Variants in ACYP2 observed in about 807,000 individuals in gnomAD.
ACYP2 encodes acylphosphatase-2.
A neutral mutation model predicts 11.2 loss-of-function variants in ACYP2; 12 were observed. That is an observed-to-expected ratio of 1.08 (90% CI 0.69 to 1.74). The LOEUF is 1.74. Ranked by LOEUF, ACYP2 falls within the 40% of genes most tolerant of loss-of-function variation. The probability of loss-of-function intolerance (pLI) is 0.00; values close to 1 mark genes in which losing one functional copy is unlikely to be tolerated. For synonymous variants in ACYP2, 43 were observed against 32.2 expected (o/e 1.33, Z -1.13); for missense variants, 134 against 101.9 (o/e 1.31, Z -1.35).
intron 6 of ACYP2, among the ~76,000 whole-genome samples, chr2:54,240,396 GA>G (rs1686682046): frequency 1.3e-5 from 2 of 152,098 alleles, no homozygotes; most frequent in Non-Finnish European, 2.9e-5. Flanking sequence ...AAACAAAAAA[GA>G]AAATTCACTT....
intron 6 of ACYP2, among the ~76,000 whole-genome samples, chr2:54,214,410 T>C (rs764094675): frequency 7.9e-5 from 12 of 152,230 alleles, no homozygotes; most frequent in Non-Finnish European, 1.3e-4. Context: ...CTTGTGTTGC[T>C]TTTTTATATG....
chr2:54,200,280 T>C (rs549030855), intron 6 of ACYP2, among the ~76,000 whole-genome samples: 6 of 152,308 alleles, frequency 3.9e-5, no homozygotes, highest in African/African-American at 1.4e-4. Flanking sequence ...TGTGTACATA[T>C]ATACATGTGC....
intron 6 of ACYP2, among the ~76,000 whole-genome samples, chr2:54,167,248 C>T (rs1683023466): frequency 6.6e-6 from 1 of 152,154 alleles, no homozygotes; most frequent in Non-Finnish European, 1.5e-5. Flanking sequence ...ATTGTTTCTC[C>T]TAGCTCATCA....
intron 6 of ACYP2, among the ~76,000 whole-genome samples, chr2:54,242,235 C>T (rs1686758396): frequency 1.3e-5 from 2 of 152,194 alleles, no homozygotes; most frequent in Non-Finnish European, 2.9e-5. Flanking sequence ...GCAGCAGTTG[C>T]AGTTTTGTCA....
At chr2:54,256,163 C>T (rs1213946557) in intron 6 of ACYP2, 13 of 1,604,512 alleles carry the variant, frequency 8.1e-6, no homozygotes, top group Non-Finnish European at 1.1e-5. Flanking sequence ...TTGGTAGCGG[C>T]CAGGGCAGCA....
chr2:54,017,513 C>A (rs1383746230), intron 2 of ACYP2, among the ~76,000 whole-genome samples: 1 of 152,084 alleles, frequency 6.6e-6, no homozygotes, highest in Admixed American at 6.6e-5. Flanking sequence ...CCTCAGCCTC[C>A]CAAAGTGCTG....
At chr2:54,284,946 A>G (rs1260837887) in intron 6 of ACYP2, among the ~76,000 whole-genome samples, 1 of 152,170 alleles carries the variant, frequency 6.6e-6, no homozygotes, top group Non-Finnish European at 1.5e-5. Context: ...TCGTTTCTTC[A>G]GGCTGCTGTA....
At chr2:54,078,933 C>A (rs950028394) in intron 4 of ACYP2, among the ~76,000 whole-genome samples, 1 of 152,156 alleles carries the variant, frequency 6.6e-6, no homozygotes, top group Non-Finnish European at 1.5e-5. Context: ...TCAAAAATTT[C>A]ATTTTGCATC....
chr2:54,028,367 G>C (rs2104551992), intron 2 of ACYP2, among the ~76,000 whole-genome samples: 1 of 152,226 alleles, frequency 6.6e-6, no homozygotes, highest in Middle Eastern at 3.4e-3. Context: ...ATGGCATTCT[G>C]ACATGCTGAA....
intron 2 of ACYP2, among the ~76,000 whole-genome samples, chr2:54,019,681 G>A (rs1215615167): frequency 2.6e-5 from 4 of 151,640 alleles, no homozygotes; most frequent in Non-Finnish European, 5.9e-5. Flanking sequence ...GTGCAGTGGC[G>A]TGATCTCAGC....
intron 6 of ACYP2, among the ~76,000 whole-genome samples, chr2:54,292,707 C>T (rs1689362110): frequency 1.5e-5 from 2 of 132,178 alleles, no homozygotes. Flanking sequence ...CACACACACA[C>T]ACGTGTATGT....
rs148763362 is a variant in ACYP2, at chr2:54,058,456, C to G, written c.277+1096C>G. 3.4e-3 allele frequency among the ~76,000 whole-genome samples: 523 copies of G among 152,128 alleles called. 2 individuals carry two copies. Among genetic ancestry groups the G allele is most frequent in the African/African-American group, 0.012 (497 of 41,512 alleles). ...AAATTTTAGATATTATCTATTAACCCCTGACACACACATATTTCCCTCTCC... is the reference window on the plus strand; with the variant it reads ...AAATTTTAGATATTATCTATTAACCGCTGACACACACATATTTCCCTCTCC... On this transcript the variant is annotated intron_variant, in intron 4 of 6. Transcript: ENST00000607452.
intron 6 of ACYP2, among the ~76,000 whole-genome samples, chr2:54,196,760 C>A (rs983178383): frequency 3.3e-5 from 5 of 152,230 alleles, no homozygotes; most frequent in East Asian, 1.9e-4. Context: ...TTGGTCACAT[C>A]CCCAGTGGGG....
In ACYP2 at chr2:54,012,693, A is replaced by T. The variant is rs145769428; in HGVS notation, c.63-38265A>T. On this transcript the variant is annotated intron_variant, in intron 2 of 6. Coordinates refer to ENST00000607452, the MANE Select transcript of ACYP2 (RefSeq NM_001320586.2). ...CTGATCTACAGTCCTTTAATCCATC[A>T]TCTCTGTCTGGCGCGGGTTGTTTCC... 8.5e-4 allele frequency among the ~76,000 whole-genome samples: 130 copies of T among 152,120 alleles called. 1 individual carries two copies. The East Asian group carries it at 0.025, about 29-fold the overall frequency.
In ACYP2 at chr2:53,992,074, CCCTTCCTT is replaced by C. The variant is rs57380456; in HGVS notation, c.62+18280_62+18287del. 5.4e-5 allele frequency among the ~76,000 whole-genome samples: 8 copies of C among 148,304 alleles called. 1 individual carries two copies. The highest frequency in any genetic ancestry group is 1.0e-4 in the Non-Finnish European group (7 of 67,380). On this transcript the variant is annotated intron_variant, in intron 2 of 6. Transcript: ENST00000607452. ...CCCTCCCTCTTTCCTTCCTTTTTTC[CCCTTCCTT>C]CCTTCCTTCCTTCCTCCTTCCCTCC... is the stretch of plus-strand genomic sequence containing the variant.
At chr2:54,153,694 G>A (rs1389596349) in intron 6 of ACYP2, among the ~76,000 whole-genome samples, 1 of 151,058 alleles carries the variant, frequency 6.6e-6, no homozygotes, top group Non-Finnish European at 1.5e-5. Flanking sequence ...CTGCCTCCTG[G>A]GTTCACACCA....
At chr2:54,216,535 C>CAT (rs35962804) in intron 6 of ACYP2, among the ~76,000 whole-genome samples, 86,507 of 150,176 alleles carry the variant, frequency 0.58, 25,212 homozygotes, top group East Asian at 0.68. Context: ...CTCCTAATCA[C>CAT]GTTTACATTT....
chr2:54,213,743 T>A (rs530331814), intron 6 of ACYP2, among the ~76,000 whole-genome samples: 2 of 151,768 alleles, frequency 1.3e-5, no homozygotes, highest in Admixed American at 6.5e-5. Context: ...TATCTGTTGA[T>A]GTCCTTTGCC....
chr2:54,000,663 G>C (rs1573486010), intron 2 of ACYP2, among the ~76,000 whole-genome samples: 1 of 152,186 alleles, frequency 6.6e-6, no homozygotes, highest in Non-Finnish European at 1.5e-5. Flanking sequence ...CTAGAAGTTG[G>C]AGTTGCAACA....
Sources: allele counts gnomAD v4.1 joint callset (sites outside exome capture counted in the v4.1 genomes callset), GRCh38; gene constraint gnomAD v4.1.1; transcripts MANE v1.5; gene names NCBI Gene and HGNC (gene_info 2026-07-23, HGNC 2026-07-21).